Variants in AADACL2 observed in about 807,000 individuals in gnomAD.
AADACL2 encodes the protein arylacetamide deacetylase like 2.
Under a neutral mutation model 22.3 loss-of-function variants are expected in AADACL2, and 23 were observed. The observed-to-expected ratio is 1.03, with a 90% confidence interval of 0.74 to 1.46. The LOEUF is 1.46. Among genes scored for constraint, AADACL2 ranks in the 40% most tolerant of loss-of-function variants. The pLI, the probability that AADACL2 is intolerant of heterozygous loss-of-function variation, is 0.00. For synonymous variants in AADACL2, 177 were observed against 166.2 expected (o/e 1.07, Z -0.50); for missense variants, 472 against 482.9 (o/e 0.98, Z 0.21).
At position 151,740,744 on chromosome 3, in the gene AADACL2, C is replaced by T. The variant is rs954260171; in HGVS notation, c.237C>T (p.Ile79=). Residue 79 remains isoleucine (I), a synonymous_variant, in exon 2 of 5, where the codon ATC becomes ATT. Coordinates refer to ENST00000356517, the MANE Select transcript of AADACL2 (RefSeq NM_207365.4). ...CCCAACCACTTTCAGATGAATACATCACAGTGACTGATACAACATTTGTTG... is the reference window on the plus strand; with the variant it reads ...CCCAACCACTTTCAGATGAATACATTACAGTGACTGATACAACATTTGTTG... ...DYTQPLSDEY[I]TVTDTTFVDI... is the part of the protein sequence containing the mutation. 1.1e-5 allele frequency: 18 copies of T among 1,613,788 alleles called. No homozygotes were observed. Among genetic ancestry groups the T allele is most frequent in the Non-Finnish European group, 1.4e-5 (17 of 1,179,914 alleles).
chr3:151,740,566 CCTTTTTAACTTT>C (rs1713245088), intron 1 of AADACL2, 68 bp from the exon 2 acceptor site: 2 of 947,610 alleles, frequency 2.1e-6, no homozygotes, highest in Admixed American at 3.2e-5. Context: ...ATTTTTTCTT[CCTTTTTAACTTT>C]CTTTTTAAAT....
At chr3:151,746,877 A>G (rs1455685028) in intron 4 of AADACL2, among the ~76,000 whole-genome samples, 2 of 149,062 alleles carry the variant, frequency 1.3e-5, no homozygotes, top group Non-Finnish European at 3.0e-5. Context: ...TTTGAGATTA[A>G]TCTTTAATTT....
At chr3:151,750,843 A>G (rs1713640960) in intron 4 of AADACL2, among the ~76,000 whole-genome samples, 1 of 152,234 alleles carries the variant, frequency 6.6e-6, no homozygotes, top group African/African-American at 2.4e-5. Context: ...GTACATGTAC[A>G]TATGCCTATA....
intron 1 of AADACL2, among the ~76,000 whole-genome samples, chr3:151,735,540 C>G (rs1356738966): frequency 6.6e-6 from 1 of 152,158 alleles, no homozygotes; most frequent in Non-Finnish European, 1.5e-5. Context: ...GGTAGATCAC[C>G]TGAGGCTAGG....
At chr3:151,754,193 G>C (rs1008209977) in intron 4 of AADACL2, among the ~76,000 whole-genome samples, 1 of 152,028 alleles carries the variant, frequency 6.6e-6, no homozygotes, top group Admixed American at 6.6e-5. Flanking sequence ...GGATGTTTGC[G>C]AATGAAAAAA....
At chr3:151,753,787 A>T (rs1289420491) in intron 4 of AADACL2, among the ~76,000 whole-genome samples, 1 of 152,106 alleles carries the variant, frequency 6.6e-6, no homozygotes, top group East Asian at 1.9e-4. Context: ...GCATGCAGGA[A>T]TTTGAATAAC....
rs1714127841 is a variant in AADACL2 at position 151,761,130 on chromosome 3, T to TA, written c.*3536_*3537insA. The TA allele has an allele frequency of 1.4e-5, 2 of 142,484 alleles. No individual in the cohort carries two copies. The allele number at this position is 142,484 out of a possible 1,614,324, so 8.8% of individuals were successfully genotyped here. A position where few individuals can be genotyped will look rare whatever the true frequency, so the allele number is the denominator to read the frequency against. On this transcript the variant is annotated 3_prime_UTR_variant, in exon 5 of 5. Transcript: ENST00000356517. ...TTTTTTATATATGGTGAGATATATA[T>TA]TTATATATGGTGAGATATATATATA...
At chr3:151,744,886 C>T (rs1037354610) in intron 3 of AADACL2, among the ~76,000 whole-genome samples, 1 of 152,096 alleles carries the variant, frequency 6.6e-6, no homozygotes, top group African/African-American at 2.4e-5. Flanking sequence ...GTTCTACACA[C>T]ACTGGGGAAA....
At chr3:151,735,427 C>T (rs1221220990) in intron 1 of AADACL2, among the ~76,000 whole-genome samples, 1 of 150,878 alleles carries the variant, frequency 6.6e-6, no homozygotes, top group Non-Finnish European at 1.5e-5. Flanking sequence ...TTGACATTTA[C>T]TGGCTACAAC....
intron 4 of AADACL2, among the ~76,000 whole-genome samples, chr3:151,746,185 G>C (rs1120607): frequency 0.65 from 98,471 of 151,654 alleles, 32,055 homozygotes; most frequent in South Asian, 0.7. Context: ...TTACCCTGAG[G>C]TATTTTTTAA....
Position 151,757,762 on chromosome 3 carries a change from C to A in AADACL2, c.*168C>A, listed in dbSNP as rs1249805672. 4 of 687,992 alleles carry A rather than the reference C, an allele frequency of 5.8e-6. No individual in the cohort carries two copies. Among genetic ancestry groups the A allele is most frequent in the Admixed American group, 3.4e-5 (1 of 29,604 alleles). The allele number at this position is 687,992 out of a possible 1,614,324, so 42.6% of individuals were successfully genotyped here. On this transcript the variant is annotated 3_prime_UTR_variant, in exon 5 of 5. Coordinates refer to ENST00000356517, the MANE Select transcript of AADACL2 (RefSeq NM_207365.4). The stretch of plus-strand genomic sequence containing the variant: ...GTTATTAAATTTTCTGACTTGCAGA[C>A]CCTGAATATGTAAAATGTATGTAAT...
Position 151,740,699 on chromosome 3 carries a change from G to A in AADACL2, c.192G>A (p.Met64Ile). ...TGAGATATGAAGAGTTTATATCCAT[G>A]ATATTCAGGCTGGATTATACCCAAC... ...RIMRYEEFIS[M>I]IFRLDYTQPL... Residue 64 changes from methionine (M) to isoleucine (I), a missense_variant, in exon 2 of 5, where the codon ATG (methionine) becomes ATA (isoleucine). By Grantham distance (10) the Met-to-Ile change is conservative. Transcript: ENST00000356517. 6.2e-7 allele frequency: 1 copy of A among 1,613,812 alleles called. No individual in the cohort carries two copies. Among genetic ancestry groups the A allele is most frequent in the East Asian group, 2.2e-5 (1 of 44,812 alleles).
chr3:151,740,501 T>A, intron 1 of AADACL2, 145 bp from the exon 2 acceptor site: 1 of 606,010 alleles, frequency 1.7e-6, no homozygotes. Flanking sequence ...ATCTTTACAG[T>A]ATTATTTGGA....
intron 4 of AADACL2, among the ~76,000 whole-genome samples, chr3:151,755,850 A>G (rs1442474964): frequency 6.6e-6 from 1 of 152,050 alleles, no homozygotes; most frequent in African/African-American, 2.4e-5. Context: ...TGGGCTATTG[A>G]TAGCAATCTT....
chr3:151,758,449 C>A lies in AADACL2; in HGVS notation c.*855C>A, dbSNP rs62274259. The A allele has an allele frequency of 2.0e-5, 3 of 151,824 alleles. No individual in the cohort carries two copies. Among genetic ancestry groups the A allele is most frequent in the Admixed American group, 2.0e-4 (3 of 15,216 alleles). The allele number at this position is 151,824 out of a possible 1,614,324, so 9.4% of individuals were successfully genotyped here. On this transcript the variant is annotated 3_prime_UTR_variant, in exon 5 of 5. Coordinates refer to ENST00000356517, the MANE Select transcript of AADACL2 (RefSeq NM_207365.4). ...TAATTGTATTTGCAGATTTCCCCAC[C>A]CTTTTCTATATAAAGTAACCTTCAG...
At chr3:151,745,479 C>T (rs751899742) in intron 3 of AADACL2, 30 bp from the exon 4 acceptor site, 7 of 1,596,254 alleles carry the variant, frequency 4.4e-6, no homozygotes, top group East Asian at 2.3e-5. Flanking sequence ...CAGATACAAC[C>T]ATAAATGCTT....
intron 1 of AADACL2, among the ~76,000 whole-genome samples, chr3:151,738,251 C>A (rs569371607): frequency 6.6e-6 from 1 of 152,116 alleles, no homozygotes; most frequent in African/African-American, 2.4e-5. Context: ...CCTTTGCTTA[C>A]GAAGCTTAGT....
chr3:151,742,448 A>G (rs1365691373), intron 2 of AADACL2, among the ~76,000 whole-genome samples: 2 of 152,210 alleles, frequency 1.3e-5, no homozygotes, highest in Non-Finnish European at 2.9e-5. Flanking sequence ...AAACAAAAAT[A>G]TGGCTTTAAT....
rs970295804 is a variant in AADACL2, at chr3:151,761,094, T to C, written c.*3500T>C. On this transcript the variant is annotated 3_prime_UTR_variant, in exon 5 of 5. Coordinates refer to ENST00000356517, the MANE Select transcript of AADACL2 (RefSeq NM_207365.4). Reference sequence around the variant, plus strand: ...GATATGTTTTATATATATGGTGAGATATATATATATTTTTTTATATATGGT... The same window carrying C: ...GATATGTTTTATATATATGGTGAGACATATATATATTTTTTTATATATGGT... 2.7e-5 allele frequency: 4 copies of C among 148,968 alleles called. No individual in the cohort carries two copies. Among genetic ancestry groups the C allele is most frequent in the African/African-American group, 4.9e-5 (2 of 40,654 alleles). 9.2% of individuals were successfully genotyped at this position (148,968 alleles called of 1,614,324 possible).
Sources: allele counts gnomAD v4.1 joint callset (sites outside exome capture counted in the v4.1 genomes callset), GRCh38; gene constraint gnomAD v4.1.1; transcripts MANE v1.5; gene names NCBI Gene and HGNC (gene_info 2026-07-23, HGNC 2026-07-21).